Variants in SLC35F1 observed in about 807,000 individuals in gnomAD.
SLC35F1 encodes solute carrier family 35 member F1.
A neutral mutation model predicts 48.7 loss-of-function variants in SLC35F1; 14 were observed. That is an observed-to-expected ratio of 0.29 (90% CI 0.19 to 0.45). The LOEUF is 0.45. Ranked by LOEUF, SLC35F1 falls within the 20% of genes least tolerant of loss-of-function variation. The probability of loss-of-function intolerance (pLI) is 1.00; values close to 1 mark genes in which losing one functional copy is unlikely to be tolerated. For synonymous variants in SLC35F1, 190 were observed against 202.2 expected, an observed-to-expected ratio of 0.94 and a Z score of 0.51; for missense variants, 404 against 500.0, an observed-to-expected ratio of 0.81 and a Z score of 1.83.
At chr6:118,112,430 A>T (rs1257428989) in intron 1 of SLC35F1, among the ~76,000 whole-genome samples, 1 of 152,132 alleles carries the variant, frequency 6.6e-6, no homozygotes, top group Non-Finnish European at 1.5e-5. Flanking sequence ...CCTAGGGTGG[A>T]TATATTCCTC....
intron 1 of SLC35F1, among the ~76,000 whole-genome samples, chr6:117,988,525 G>A (rs1483545957): frequency 6.6e-6 from 1 of 152,140 alleles, no homozygotes; most frequent in East Asian, 1.9e-4. Context: ...CCCAGAGCCA[G>A]CCCCTCAACC....
intron 1 of SLC35F1, among the ~76,000 whole-genome samples, chr6:118,126,172 T>C (rs1773621793): frequency 6.6e-6 from 1 of 152,154 alleles, no homozygotes; most frequent in Non-Finnish European, 1.5e-5. Context: ...CTGGACCTAG[T>C]GTCTCATCAA....
chr6:118,200,253 T>G (rs1315167171), intron 2 of SLC35F1, among the ~76,000 whole-genome samples: 2 of 152,170 alleles, frequency 1.3e-5, no homozygotes, highest in Non-Finnish European at 2.9e-5. Context: ...ACAGATTTTA[T>G]TCAGGACTAT....
intron 2 of SLC35F1, among the ~76,000 whole-genome samples, chr6:118,219,319 T>G (rs1489453824): frequency 6.6e-6 from 1 of 152,116 alleles, no homozygotes; most frequent in Non-Finnish European, 1.5e-5. Context: ...TTCGTAAGAG[T>G]GTAACAGAAA....
chr6:117,965,126 G>A (rs1485876918), intron 1 of SLC35F1, among the ~76,000 whole-genome samples: 1 of 152,130 alleles, frequency 6.6e-6, no homozygotes, highest in African/African-American at 2.4e-5. Flanking sequence ...AAGGAACTCA[G>A]ATAAGACAAA....
chr6:118,175,055 C>G (rs891047102), intron 2 of SLC35F1, among the ~76,000 whole-genome samples: 7 of 152,072 alleles, frequency 4.6e-5, no homozygotes, highest in Admixed American at 2.0e-4. Flanking sequence ...TCCACCCTGC[C>G]TGTACTTCAT....
At chr6:118,121,371 T>A (rs1197763075) in intron 1 of SLC35F1, among the ~76,000 whole-genome samples, 1 of 152,234 alleles carries the variant, frequency 6.6e-6, no homozygotes, top group Non-Finnish European at 1.5e-5. Flanking sequence ...CAGCTCTATC[T>A]AATCTTCATA....
chr6:118,267,595 A>G (rs1236411063), intron 4 of SLC35F1, among the ~76,000 whole-genome samples: 5 of 152,156 alleles, frequency 3.3e-5, no homozygotes, highest in Non-Finnish European at 7.3e-5. Flanking sequence ...AGCCAGAGAA[A>G]GACTGAGCTT....
At chr6:118,156,070 G>A (rs1214760683) in intron 2 of SLC35F1, among the ~76,000 whole-genome samples, 2 of 152,004 alleles carry the variant, frequency 1.3e-5, no homozygotes, top group Non-Finnish European at 2.9e-5. Flanking sequence ...TCAAAAATTG[G>A]TGCTATCAAT....
At chr6:117,972,260 A>G (rs2355794) in intron 1 of SLC35F1, among the ~76,000 whole-genome samples, 8,682 of 152,230 alleles carry the variant, frequency 0.057, 286 homozygotes, top group African/African-American at 0.08. Context: ...CTCAGCCTGG[A>G]CTTGATTGTC....
In SLC35F1 at chr6:117,917,000, T is replaced by G. The variant is rs181507516; in HGVS notation, c.173+9101T>G. On this transcript the variant is annotated intron_variant, in intron 1 of 7. Transcript: ENST00000360388. ...ACAAGAAAGGCAGGCAATAAAAACA[T>G]GAAAAAGGTATCCAACAGTGGCAAA... Among the ~76,000 whole-genome samples, 16 of 152,164 alleles carry G rather than the reference T, an allele frequency of 1.1e-4. No individual in the cohort carries two copies. The East Asian group carries it at 2.7e-3, about 26-fold the overall frequency.
At chr6:118,133,480 A>T (rs1773747256) in intron 1 of SLC35F1, among the ~76,000 whole-genome samples, 1 of 152,212 alleles carries the variant, frequency 6.6e-6, no homozygotes, top group South Asian at 2.1e-4. Context: ...TCCACCTAGG[A>T]CAAGTTTATA....
At chr6:118,101,353 A>G (rs1227539820) in intron 1 of SLC35F1, among the ~76,000 whole-genome samples, 1 of 152,190 alleles carries the variant, frequency 6.6e-6, no homozygotes, top group African/African-American at 2.4e-5. Flanking sequence ...GGGAGTGAGG[A>G]TCTGCTGTGT....
chr6:118,263,624 T>C (rs10223440), intron 3 of SLC35F1, among the ~76,000 whole-genome samples: 3 of 152,216 alleles, frequency 2.0e-5, no homozygotes, highest in African/African-American at 7.2e-5. Flanking sequence ...CAGAGATGTA[T>C]GCAAAGAAAG....
intron 1 of SLC35F1, among the ~76,000 whole-genome samples, chr6:118,070,872 A>G (rs2114295755): frequency 8.7e-6 from 1 of 115,468 alleles, no homozygotes; most frequent in Non-Finnish European, 1.7e-5. Flanking sequence ...TATATATACT[A>G]TGTATATATA....
intron 1 of SLC35F1, among the ~76,000 whole-genome samples, chr6:118,008,713 A>G (rs1259045467): frequency 6.6e-6 from 1 of 152,202 alleles, no homozygotes; most frequent in Non-Finnish European, 1.5e-5. Context: ...TGCTAGTGAC[A>G]GACCAGATTA....
intron 2 of SLC35F1, among the ~76,000 whole-genome samples, chr6:118,192,569 A>G (rs1053327514): frequency 2.6e-5 from 4 of 152,202 alleles, no homozygotes; most frequent in African/African-American, 9.6e-5. Flanking sequence ...TAAATACACA[A>G]TTAACAAGGA....
rs200675313 is a variant in SLC35F1 at position 118,072,180 on chromosome 6, AC to A, written c.174-82264del. Among the ~76,000 whole-genome samples, 740 of 152,280 alleles carry A rather than the reference AC, an allele frequency of 4.9e-3. 5 individuals are homozygous for A. The highest frequency in any genetic ancestry group is 0.017 in the African/African-American group (694 of 41,540). ...TTCTATTTTTAAAAATTTGGAATAC[AC>A]AGATGGTTATGTTTAATTTCCAAGA... On this transcript the variant is annotated intron_variant, in intron 1 of 7. Coordinates refer to ENST00000360388, the MANE Select transcript of SLC35F1 (RefSeq NM_001029858.4).
chr6:118,020,684 C>A (rs1777382245), intron 1 of SLC35F1, among the ~76,000 whole-genome samples: 1 of 152,194 alleles, frequency 6.6e-6, no homozygotes, highest in Non-Finnish European at 1.5e-5. Context: ...TGAAGTCATT[C>A]ATCTGGCTTC....
Sources: allele counts gnomAD v4.1 joint callset (sites outside exome capture counted in the v4.1 genomes callset), GRCh38; gene constraint gnomAD v4.1.1; transcripts MANE v1.5; gene names NCBI Gene and HGNC (gene_info 2026-07-23, HGNC 2026-07-21).